The following SMOC1 variants were observed in gnomAD, a reference collection of about 807,000 sequenced individuals.
SMOC1 encodes SPARC-related modular calcium-binding protein 1.
In SMOC1, 22 loss-of-function variants were observed where a neutral mutation model predicts 56.3. The observed-to-expected ratio is 0.39, with a 90% CI of 0.28 to 0.56. SMOC1 has a LOEUF of 0.56. Ranked by LOEUF, SMOC1 falls within the 20% of genes least tolerant of loss-of-function variation. The pLI, the probability that SMOC1 is intolerant of heterozygous loss-of-function variation, is 0.61. For synonymous variants in SMOC1, 193 were observed against 215.0 expected, an observed-to-expected ratio of 0.90 and a Z score of 0.89; for missense variants, 509 against 565.4, an observed-to-expected ratio of 0.90 and a Z score of 1.01.
chr14:69,999,151 C>T (rs1240061421), intron 7 of SMOC1, among the ~76,000 whole-genome samples: 1 of 152,210 alleles, frequency 6.6e-6, no homozygotes, highest in Non-Finnish European at 1.5e-5. Context: ...GTCACCTTAC[C>T]TGTCACAGGT....
chr14:69,972,813 G>C (rs1263249351), intron 3 of SMOC1, among the ~76,000 whole-genome samples: 1 of 152,226 alleles, frequency 6.6e-6, no homozygotes, highest in Non-Finnish European at 1.5e-5. Context: ...AGCCTTTGCT[G>C]GCACTCTGTG....
Position 69,975,776 on chromosome 14 carries a change from G to A in SMOC1, c.440G>A (p.Ser147Asn). 1 of 1,612,878 alleles carries A rather than the reference G, an allele frequency of 6.2e-7. No individual in the cohort carries two copies. The highest frequency in any genetic ancestry group is 1.3e-5 in the African/African-American group (1 of 75,018). The part of the protein sequence containing the change: ...WCVTPDGKPI[S>N]GSSVQNKTPV... ...GTCACCCCGGATGGGAAGCCCATCA[G>A]TGGCTCTTCTGTGCAGAATAAAACT... The change falls in exon 4 of 12, where the codon AGT becomes AAT. Residue 147 changes from serine (S) to asparagine (N), a missense_variant. By Grantham distance (46) the Ser-to-Asn change is conservative. This residue lies in a region of SMOC1 where 315 missense variants were observed against 333.1 expected (regional missense o/e 0.95). Transcript: ENST00000361956.
intron 1 of SMOC1, among the ~76,000 whole-genome samples, chr14:69,894,057 TG>T (rs1454410214): frequency 1.3e-5 from 2 of 152,296 alleles, no homozygotes; most frequent in East Asian, 3.9e-4. Flanking sequence ...TTCAGAATTG[TG>T]AGAAAATAAA....
intron 3 of SMOC1, among the ~76,000 whole-genome samples, chr14:69,965,488 C>T (rs1275609812): frequency 2.0e-5 from 3 of 152,122 alleles, no homozygotes; most frequent in Admixed American, 6.5e-5. Context: ...TGTAGTCCCA[C>T]AGAGCTGACC....
At chr14:70,002,495 T>A (rs1208389280) in intron 7 of SMOC1, among the ~76,000 whole-genome samples, 1 of 152,202 alleles carries the variant, frequency 6.6e-6, no homozygotes. Flanking sequence ...ACCCTCTATT[T>A]GGAAAGGAGC....
At chr14:69,976,739 A>G (rs904119269) in intron 4 of SMOC1, among the ~76,000 whole-genome samples, 1 of 152,142 alleles carries the variant, frequency 6.6e-6, no homozygotes, top group African/African-American at 2.4e-5. Flanking sequence ...ATATTTCTTC[A>G]TATCTGTGTG....
At chr14:69,912,462 A>G (rs1383427621) in intron 1 of SMOC1, among the ~76,000 whole-genome samples, 1 of 152,218 alleles carries the variant, frequency 6.6e-6, no homozygotes, top group Admixed American at 6.5e-5. Context: ...GTGTTGCCTG[A>G]GCCGGTCTCT....
chr14:69,952,106 C>A (rs769386400), intron 1 of SMOC1, 32 bp from the exon 2 acceptor site: 1 of 1,613,506 alleles, frequency 6.2e-7, no homozygotes, highest in South Asian at 1.1e-5. Flanking sequence ...GCAAAAGTAA[C>A]CTCTGTACCC....
At chr14:69,959,421 AT>A (rs746530885) in intron 3 of SMOC1, among the ~76,000 whole-genome samples, 1 of 152,140 alleles carries the variant, frequency 6.6e-6, no homozygotes, top group African/African-American at 2.4e-5. Context: ...TTCCCAAGAT[AT>A]TTTAATTTTT....
intron 1 of SMOC1, among the ~76,000 whole-genome samples, chr14:69,935,740 G>A (rs1435470001): frequency 2.0e-5 from 3 of 152,170 alleles, no homozygotes; most frequent in Non-Finnish European, 4.4e-5. Flanking sequence ...ACCTGACTCC[G>A]CAGCTCAAGG....
chr14:69,975,803 C>A lies in SMOC1; in HGVS notation c.467C>A (p.Pro156His), dbSNP rs1331129619. Residue 156 changes from proline (P) to histidine (H), a missense_variant, in exon 4 of 12, where the codon CCT becomes CAT. Around this residue, in one of 3 missense-constraint regions of SMOC1, gnomAD observed 315 missense variants for 333.1 expected, o/e 0.95. Transcript: ENST00000361956. ...ISGSSVQNKTPVCSGSVTDKP... is the reference protein window; with the variant it reads ...ISGSSVQNKTHVCSGSVTDKP... ...GGCTCTTCTGTGCAGAATAAAACTC[C>A]TGTATGTTCAGGTACCGTAGGGAGG... The A allele has an allele frequency of 6.2e-7, 1 of 1,611,628 alleles. No individual in the cohort carries two copies. The highest frequency in any genetic ancestry group is 8.5e-7 in the Non-Finnish European group (1 of 1,179,280).
intron 1 of SMOC1, among the ~76,000 whole-genome samples, chr14:69,909,177 C>G (rs966433668): frequency 6.6e-6 from 1 of 152,138 alleles, no homozygotes; most frequent in African/African-American, 2.4e-5. Context: ...AGCACTTTAT[C>G]AAGTGCTGAA....
intron 5 of SMOC1, among the ~76,000 whole-genome samples, chr14:69,983,932 T>C (rs576183790): frequency 1.2e-4 from 19 of 152,222 alleles, no homozygotes; most frequent in Non-Finnish European, 2.5e-4. Context: ...ATTGCAGTGA[T>C]CCTGTGCTTG....
chr14:70,015,507 T>C (rs1885479502), intron 10 of SMOC1, among the ~76,000 whole-genome samples: 1 of 151,944 alleles, frequency 6.6e-6, no homozygotes, highest in Non-Finnish European at 1.5e-5. Context: ...AGTGCAGTGG[T>C]TGCCCGTCTT....
chr14:70,013,420 C>T lies in SMOC1; in HGVS notation c.975C>T (p.Thr325=). The change falls in exon 10 of 12, where the codon ACC becomes ACT. Residue 325 remains threonine, a synonymous_variant. Coordinates refer to ENST00000361956, the MANE Select transcript of SMOC1 (RefSeq NM_001034852.3). ...CPEGKKMEFI[T]SLLDALTTDM... is the part of the protein sequence containing the mutation. ...AAGGGAAGAAAATGGAGTTTATCAC[C>T]AGCCTACTGGATGCTCTCACCACTG... is the stretch of plus-strand genomic sequence containing the variant. The T allele has an allele frequency of 6.2e-7, 1 of 1,614,160 alleles. No homozygotes were observed. Among genetic ancestry groups the T allele is most frequent in the Non-Finnish European group, 8.5e-7 (1 of 1,180,016 alleles).
intron 1 of SMOC1, among the ~76,000 whole-genome samples, chr14:69,942,736 T>G (rs1053069318): frequency 6.6e-6 from 1 of 152,336 alleles, no homozygotes; most frequent in African/African-American, 2.4e-5. Flanking sequence ...TTTGATGACT[T>G]GGGCCTTAAC....
chr14:69,984,064 C>T (rs1884275594), intron 5 of SMOC1, among the ~76,000 whole-genome samples: 1 of 152,192 alleles, frequency 6.6e-6, no homozygotes, highest in African/African-American at 2.4e-5. Context: ...ACCATTTTAT[C>T]TGATTTTAAG....
intron 1 of SMOC1, among the ~76,000 whole-genome samples, 155 bp downstream of exon 1, chr14:69,879,932 A>G (rs889707387): frequency 5.3e-5 from 8 of 152,056 alleles, no homozygotes; most frequent in Non-Finnish European, 1.5e-5. Context: ...GAAGTTGCTG[A>G]AATATTTTTT....
intron 1 of SMOC1, among the ~76,000 whole-genome samples, chr14:69,935,242 G>A (rs1305080484): frequency 6.6e-6 from 1 of 152,212 alleles, no homozygotes; most frequent in Non-Finnish European, 1.5e-5. Flanking sequence ...TTAAGGTAAA[G>A]CAACCTCTAT....
Sources: allele counts gnomAD v4.1 joint callset (sites outside exome capture counted in the v4.1 genomes callset), GRCh38; gene constraint gnomAD v4.1.1; regional missense constraint gnomAD v4.1.1; transcripts MANE v1.5; gene names NCBI Gene and HGNC (gene_info 2026-07-23, HGNC 2026-07-21).